The following APBB1 variants were observed in gnomAD, a reference collection of about 807,000 sequenced individuals.
APBB1 encodes the protein adaptor protein FE65a2.
Under a neutral mutation model 78.4 loss-of-function variants are expected in APBB1, and 22 were observed. That is an observed-to-expected ratio of 0.28 (90% CI 0.20 to 0.40). The LOEUF is 0.40. APBB1 is among the 10% of genes least tolerant of loss of function. The pLI is 1.00. For missense variants in APBB1, 749 were observed against 932.4 expected (o/e 0.80, Z 2.56); for synonymous variants, 369 against 372.7 (o/e 0.99, Z 0.12).
chr11:6,405,158 T>A, intron 2 of APBB1: 1 of 1,200,240 alleles, frequency 8.3e-7, no homozygotes, highest in Non-Finnish European at 1.0e-6. Context: ...AAGCCCAGTC[T>A]TAGGGATACC....
At chr11:6,410,244 A>C (rs1030866355) in intron 2 of APBB1, among the ~76,000 whole-genome samples, 1 of 152,214 alleles carries the variant, frequency 6.6e-6, no homozygotes, top group Non-Finnish European at 1.5e-5. Flanking sequence ...GTCTCGAGAA[A>C]GCTACTAAAC....
chr11:6,405,627 C>T, intron 2 of APBB1: 1 of 985,916 alleles, frequency 1.0e-6, no homozygotes, highest in Non-Finnish European at 1.2e-6. Context: ...GAGAGTTATT[C>T]AGGCAGGGTG....
At chr11:6,417,338 C>T (rs1849145135) in intron 1 of APBB1, among the ~76,000 whole-genome samples, 2 of 152,200 alleles carry the variant, frequency 1.3e-5, no homozygotes, top group South Asian at 2.1e-4. Flanking sequence ...ATCCCCGAGA[C>T]CAGTTTAGCT....
intron 12 of APBB1, among the ~76,000 whole-genome samples, chr11:6,396,762 G>T (rs1848250892): frequency 6.6e-6 from 1 of 152,198 alleles, no homozygotes; most frequent in South Asian, 2.1e-4. Context: ...GGAAACGGAA[G>T]AGATAGGTAA....
intron 1 of APBB1, among the ~76,000 whole-genome samples, chr11:6,416,835 G>A (rs894777807): frequency 2.6e-5 from 4 of 151,598 alleles, no homozygotes; most frequent in African/African-American, 9.7e-5. Context: ...TCTGCCTCCC[G>A]GGTTCAAGCG....
At chr11:6,405,756 A>C in intron 2 of APBB1, 9 of 846,510 alleles carry the variant, frequency 1.1e-5, no homozygotes, top group African/African-American at 1.8e-5. Flanking sequence ...CTTCCCCCTA[A>C]CTCACACTCT....
chr11:6,410,703 A>G lies in APBB1; in HGVS notation c.645T>C (p.Ser215=). ...AGCTTGAGTCCTCATCACTGGCTGCACTGTTCCGCATGCCAAACAGGAGGC... is the reference window on the plus strand; with the variant it reads ...AGCTTGAGTCCTCATCACTGGCTGCGCTGTTCCGCATGCCAAACAGGAGGC... ...SASLLFGMRN[S]AASDEDSSWA... Residue 215 remains serine (S), a synonymous_variant, in exon 2 of 15, where the codon AGT becomes AGC. Coordinates refer to ENST00000609360, the MANE Select transcript of APBB1 (RefSeq NM_001164.5). The G allele has an allele frequency of 6.5e-7, 1 of 1,543,484 alleles. No individual in the cohort carries two copies. The highest frequency in any genetic ancestry group is 8.7e-7 in the Non-Finnish European group (1 of 1,145,562).
Position 6,411,081 on chromosome 11 carries a change from G to T in APBB1, c.267C>A (p.Arg89=). 1 of 1,613,664 alleles carries T rather than the reference G, an allele frequency of 6.2e-7. No homozygotes were observed. The highest frequency in any genetic ancestry group is 1.1e-5 in the South Asian group (1 of 91,090). The change falls in exon 2 of 15, where the codon CGC becomes CGA. Residue 89 remains arginine, a synonymous_variant. Transcript: ENST00000609360. This position sits in a 1 kb window ranked among gnomAD's most constrained non-coding sequence, Gnocchi z 5.2. ...RAATAHRDQN[R]NVTLTLAEEA... ...CCTCCGCCAAGGTCAAGGTCACATT[G>T]CGATTCTGGTCACGGTGGGCCGTGG...
At position 6,413,674 on chromosome 11, in the gene APBB1, T is replaced by G. The variant is rs574992563; in HGVS notation, c.-14-2313A>C. ...TAAGTAGAGATAGGGTTTCACCATGTTGGCCAGGCTGGTCTCAAACTCCTG... is the reference window on the plus strand; with the variant it reads ...TAAGTAGAGATAGGGTTTCACCATGGTGGCCAGGCTGGTCTCAAACTCCTG... On this transcript the variant is annotated intron_variant, in intron 1 of 14. Coordinates refer to ENST00000609360, the MANE Select transcript of APBB1 (RefSeq NM_001164.5). Among the ~76,000 whole-genome samples, 4 of 151,898 alleles carry G rather than the reference T, an allele frequency of 2.6e-5. 1 individual carries two copies. The South Asian group carries it at 8.3e-4, about 32-fold the overall frequency.
At chr11:6,400,902 TG>T in intron 12 of APBB1, 86 bp downstream of exon 12, 2 of 1,228,700 alleles carry the variant, frequency 1.6e-6, no homozygotes, top group Non-Finnish European at 2.4e-6. Context: ...GAGGAAGGTC[TG>T]GTAGAAGAAG....
chr11:6,412,928 GCCT>G (rs1201384025), intron 1 of APBB1, among the ~76,000 whole-genome samples: 5 of 151,934 alleles, frequency 3.3e-5, no homozygotes, highest in Middle Eastern at 3.2e-3. Context: ...CCCTCCCTCT[GCCT>G]CCTCACAGCC....
At chr11:6,400,541 T>A (rs1336395725) in intron 12 of APBB1, among the ~76,000 whole-genome samples, 2 of 142,026 alleles carry the variant, frequency 1.4e-5, no homozygotes, top group Non-Finnish European at 1.5e-5. Context: ...GACTTGTCTT[T>A]AAAAAAAAAA....
chr11:6,402,027 G>T (rs1299750104), intron 8 of APBB1, 45 bp from the exon 9 acceptor site: 6 of 1,604,764 alleles, frequency 3.7e-6, no homozygotes, highest in Non-Finnish European at 5.1e-6. Flanking sequence ...AGTTAGAGAG[G>T]AGGACTCTGA....
chr11:6,406,930 C>G (rs1418087868), intron 2 of APBB1, among the ~76,000 whole-genome samples: 1 of 152,212 alleles, frequency 6.6e-6, no homozygotes, highest in Admixed American at 6.5e-5. Flanking sequence ...GTAAGAACAT[C>G]TTTGCCCCAT....
rs150635050 is a variant in APBB1, at chr11:6,411,046, T to C, written c.302A>G (p.Gln101Arg). The C allele has an allele frequency of 2.5e-6, 4 of 1,614,078 alleles. No homozygotes were observed. Among genetic ancestry groups the C allele is most frequent in the Non-Finnish European group, 3.4e-6 (4 of 1,180,028 alleles). Residue 101 changes from glutamine (Q) to arginine (R), a missense_variant, in exon 2 of 15, where the codon CAG (glutamine) becomes CGG (arginine). By Grantham distance (43) the Gln-to-Arg change is conservative. Around this residue, in one of 3 missense-constraint regions of APBB1, gnomAD observed 635 missense variants for 765.0 expected, o/e 0.83. Coordinates refer to ENST00000609360, the MANE Select transcript of APBB1 (RefSeq NM_001164.5). This position sits in a 1 kb window ranked among gnomAD's most constrained non-coding sequence, Gnocchi z 5.2. ...VTLTLAEEAS[Q>R]EPEMAPLGPK... ...GCCCAAGGGTGCCATCTCAGGCTCC[T>C]GGCTGGCCTCCTCCGCCAAGGTCAA...
At position 6,411,821 on chromosome 11, in the gene APBB1, G is replaced by A. The variant is rs111747653; in HGVS notation, c.-14-460C>T. The stretch of plus-strand genomic sequence containing the variant: ...AAGCCCCATCACTGTAAGCTCCTCC[G>A]GCTGTGTTCCTATTCCCATAAATCA... On this transcript the variant is annotated intron_variant, in intron 1 of 14. Transcript: ENST00000609360. The surrounding 1 kb of genome is among the most constrained non-coding windows in gnomAD (Gnocchi z 5.2). Among the ~76,000 whole-genome samples, 167 of 152,152 alleles carry A rather than the reference G, an allele frequency of 1.1e-3. 3 individuals are homozygous for A. The highest frequency in any genetic ancestry group is 3.7e-3 in the African/African-American group (153 of 41,524).
chr11:6,418,063 G>A (rs553164906), intron 1 of APBB1, among the ~76,000 whole-genome samples: 2 of 152,310 alleles, frequency 1.3e-5, no homozygotes, highest in Middle Eastern at 3.4e-3. Flanking sequence ...AATATCTGGG[G>A]AGAAAGAACA....
chr11:6,403,067 C>T lies in APBB1; in HGVS notation c.1104+78G>A, dbSNP rs1273110865. 5.8e-6 allele frequency: 8 copies of T among 1,368,390 alleles called. No individual in the cohort carries two copies. In the Admixed American group the frequency reaches 1.7e-4, roughly 29 times the overall value. The allele number at this position is 1,368,390 out of a possible 1,614,324, so 84.8% of individuals were successfully genotyped here. A position where few individuals can be genotyped will look rare whatever the true frequency, so the allele number is the denominator to read the frequency against. On this transcript the variant is annotated intron_variant, in intron 6 of 14. Transcript: ENST00000609360. The surrounding 1 kb of genome is among the most constrained non-coding windows in gnomAD (Gnocchi z 5.3). ...GGACCTGGGGAACTGCGCTGAGACC[C>T]CTCAGAGCACAACATTAGGGGCTGT...
At chr11:6,407,199 C>G (rs1202604526) in intron 2 of APBB1, among the ~76,000 whole-genome samples, 1 of 152,184 alleles carries the variant, frequency 6.6e-6, no homozygotes, top group Non-Finnish European at 1.5e-5. Flanking sequence ...TGACTTGGCC[C>G]CTTTCCTGGG....
Sources: allele counts gnomAD v4.1 joint callset (sites outside exome capture counted in the v4.1 genomes callset), GRCh38; gene constraint gnomAD v4.1.1; regional missense constraint gnomAD v4.1.1; non-coding constraint Gnocchi (gnomAD v3.1); transcripts MANE v1.5; gene names NCBI Gene and HGNC (gene_info 2026-07-23, HGNC 2026-07-21).